Variants in SUGCT observed in about 807,000 individuals in gnomAD.
The protein encoded by SUGCT is succinyl-CoA:glutarate CoA-transferase.
A neutral mutation model predicts 55.0 loss-of-function variants in SUGCT; 41 were observed. The observed-to-expected ratio is 0.74, with a 90% CI of 0.58 to 0.97. SUGCT has a LOEUF of 0.97. Among genes scored for constraint, SUGCT ranks in the 50% least tolerant of loss-of-function variants. The probability of loss-of-function intolerance (pLI) is 0.00; values close to 1 mark genes in which losing one functional copy is unlikely to be tolerated. For synonymous variants in SUGCT, 187 were observed against 200.4 expected (o/e 0.93, Z 0.56); for missense variants, 568 against 547.8 (o/e 1.04, Z -0.37).
At chr7:40,154,172 GCTAA>G (rs1261694631) in intron 1 of SUGCT, 1 of 198,224 alleles carries the variant, frequency 5.0e-6, no homozygotes, top group Non-Finnish European at 1.1e-5. Context: ...AAAGATTGAA[GCTAA>G]CTAATAGTAC....
intron 12 of SUGCT, among the ~76,000 whole-genome samples, chr7:40,697,521 C>T (rs886824637): frequency 6.0e-4 from 92 of 152,172 alleles, no homozygotes; most frequent in African/African-American, 2.0e-3. Flanking sequence ...GCCTGTAATT[C>T]CAGCTACTCA....
At chr7:40,876,231 A>T in the SUGCT span, among the ~76,000 whole-genome samples, 1 of 152,172 alleles carries the variant, frequency 6.6e-6, no homozygotes, top group Non-Finnish European at 1.5e-5. Flanking sequence ...CACTACTCAT[A>T]ATAACTCCGT....
At chr7:40,274,024 G>A (rs1434839506) in intron 7 of SUGCT, among the ~76,000 whole-genome samples, 1 of 143,676 alleles carries the variant, frequency 7.0e-6, no homozygotes, top group Non-Finnish European at 1.5e-5. Context: ...TAGTATTTTT[G>A]CCAGCTATTG....
intron 9 of SUGCT, among the ~76,000 whole-genome samples, chr7:40,444,683 A>G (rs954555573): frequency 2.0e-5 from 3 of 152,102 alleles, no homozygotes; most frequent in Admixed American, 6.6e-5. Context: ...GGACAATTTG[A>G]CTTCCTCTTT....
chr7:40,871,207 C>A, the SUGCT span, among the ~76,000 whole-genome samples: 1 of 152,304 alleles, frequency 6.6e-6, no homozygotes, highest in Non-Finnish European at 1.5e-5. Context: ...ATATTTGTTT[C>A]TATATGTATC....
chr7:40,737,986 G>A (rs925164153), intron 12 of SUGCT, among the ~76,000 whole-genome samples: 2 of 151,452 alleles, frequency 1.3e-5, no homozygotes, highest in Non-Finnish European at 2.9e-5. Flanking sequence ...CAGATCACGA[G>A]GTCAGGAGAT....
At chr7:40,273,145 T>C (rs1792211906) in intron 7 of SUGCT, among the ~76,000 whole-genome samples, 1 of 152,204 alleles carries the variant, frequency 6.6e-6, no homozygotes, top group South Asian at 2.1e-4. Flanking sequence ...ATTACAACTT[T>C]TGACAATAAT....
intron 7 of SUGCT, among the ~76,000 whole-genome samples, chr7:40,265,817 G>A (rs926600282): frequency 1.3e-5 from 2 of 152,136 alleles, no homozygotes; most frequent in Admixed American, 1.3e-4. Flanking sequence ...AGGGCATGAT[G>A]GCATGTGCCT....
intron 13 of SUGCT, among the ~76,000 whole-genome samples, chr7:40,750,220 A>T (rs1787940864): frequency 6.6e-6 from 1 of 152,172 alleles, no homozygotes; most frequent in Non-Finnish European, 1.5e-5. Flanking sequence ...TTCTCTGATA[A>T]TCACAATATT....
chr7:41,036,912 G>C, the SUGCT span, among the ~76,000 whole-genome samples: 1 of 152,310 alleles, frequency 6.6e-6, no homozygotes, highest in Admixed American at 6.5e-5. Context: ...AAGCCAGTCT[G>C]CTGCAATCAG....
intron 12 of SUGCT, among the ~76,000 whole-genome samples, chr7:40,739,625 TCCAG>T: frequency 6.6e-6 from 1 of 152,182 alleles, no homozygotes; most frequent in South Asian, 2.1e-4. Flanking sequence ...TCCCCCCAGC[TCCAG>T]TACACATGTT....
chr7:40,294,336 G>T (rs933214243), intron 8 of SUGCT, among the ~76,000 whole-genome samples: 1 of 152,154 alleles, frequency 6.6e-6, no homozygotes, highest in Non-Finnish European at 1.5e-5. Context: ...AATAACAGCA[G>T]CTTACCTGTG....
At chr7:40,543,368 C>T (rs1794809010) in intron 12 of SUGCT, among the ~76,000 whole-genome samples, 1 of 152,128 alleles carries the variant, frequency 6.6e-6, no homozygotes, top group South Asian at 2.1e-4. Flanking sequence ...ACAAAATTTT[C>T]ACAAATGAAA....
At chr7:40,984,841 CT>C in the SUGCT span, among the ~76,000 whole-genome samples, 1 of 152,154 alleles carries the variant, frequency 6.6e-6, no homozygotes, top group African/African-American at 2.4e-5. Flanking sequence ...ACTTCTCCCA[CT>C]AAGTTAGGTC....
At chr7:40,292,673 T>G (rs1218597275) in intron 8 of SUGCT, among the ~76,000 whole-genome samples, 1 of 152,210 alleles carries the variant, frequency 6.6e-6, no homozygotes, top group Non-Finnish European at 1.5e-5. Flanking sequence ...AAATTTGTAC[T>G]TCATTAAGTA....
At chr7:40,544,194 T>A (rs929656833) in intron 12 of SUGCT, among the ~76,000 whole-genome samples, 2 of 151,414 alleles carry the variant, frequency 1.3e-5, no homozygotes. Flanking sequence ...TAAGCTGTCA[T>A]GTGGATGTGC....
intron 9 of SUGCT, among the ~76,000 whole-genome samples, chr7:40,368,292 G>C (rs1228998015): frequency 2.0e-5 from 3 of 152,030 alleles, no homozygotes; most frequent in Admixed American, 2.0e-4. Context: ...CTGCCTCCCA[G>C]GTTCACGTGA....
intron 13 of SUGCT, among the ~76,000 whole-genome samples, chr7:40,834,930 G>T (rs1584509801): frequency 2.0e-5 from 3 of 152,124 alleles, no homozygotes. Flanking sequence ...TGAATCCATC[G>T]ATGTGTCATT....
At chr7:40,195,189 G>A (rs1351679453) in intron 6 of SUGCT, 129 bp downstream of exon 6, 8 of 948,080 alleles carry the variant, frequency 8.4e-6, no homozygotes, top group African/African-American at 1.8e-5. Context: ...TTCCAAGGCC[G>A]TTTAGGTTGC....
Sources: gnomAD v4.1 joint callset for allele counts (sites outside exome capture counted in the v4.1 genomes callset) on GRCh38, gnomAD v4.1.1 for gene constraint, MANE v1.5 for transcripts, NCBI Gene and HGNC (gene_info 2026-07-23, HGNC 2026-07-21) for gene names.